Variants in MTERF4 observed in about 807,000 individuals in gnomAD.
MTERF4 encodes the protein mitochondrial transcription termination factor 4.
In MTERF4, 17 loss-of-function variants were observed where a neutral mutation model predicts 22.5. That is an observed-to-expected ratio of 0.75 (90% CI 0.52 to 1.13). The LOEUF (loss-of-function observed/expected upper bound fraction) is 1.13, where lower values mean the gene tolerates loss of function less well. MTERF4 is among the 50% of genes most tolerant of loss of function. The probability of loss-of-function intolerance (pLI) is 0.00; values close to 1 mark genes in which losing one functional copy is unlikely to be tolerated. For synonymous variants in MTERF4, 165 were observed against 175.3 expected (o/e 0.94, Z 0.47); for missense variants, 420 against 466.8 (o/e 0.90, Z 0.92).
the MTERF4 span, among the ~76,000 whole-genome samples, chr2:241,054,763 T>G: frequency 6.6e-6 from 1 of 152,160 alleles, no homozygotes; most frequent in Non-Finnish European, 1.5e-5. Flanking sequence ...GTTAGTGAGT[T>G]GAAAGATCAG....
the MTERF4 span, among the ~76,000 whole-genome samples, chr2:241,054,567 C>A: frequency 6.6e-6 from 1 of 151,964 alleles, no homozygotes; most frequent in Non-Finnish European, 1.5e-5. Flanking sequence ...GACCCCACCT[C>A]ATACAAAAAA....
the MTERF4 span, among the ~76,000 whole-genome samples, chr2:241,050,853 A>C: frequency 3.9e-5 from 6 of 152,070 alleles, no homozygotes; most frequent in South Asian, 2.1e-4. Flanking sequence ...CAGAGCCCAC[A>C]TCTCCTCACT....
rs2063051496 is a variant in MTERF4, at chr2:241,076,940, A to G, written n.480-1258T>C. On this transcript the variant is annotated intron_variant and non_coding_transcript_variant, in intron 4 of 4. Coordinates refer to the MTERF4 transcript ENST00000464344. ...TAAAAATACAAAAAATTAGCTGGGC[A>G]TGGTGGCGGGCGCCTGTGGTCCCAG... Among the ~76,000 whole-genome samples the G allele has an allele frequency of 2.0e-5, 3 of 152,140 alleles. No homozygotes were observed. The South Asian group carries it at 6.2e-4, about 32-fold the overall frequency.
Position 241,073,568 on chromosome 2 carries a change from C to G in MTERF4, n.2594G>C. 1.6e-6 allele frequency: 1 copy of G among 624,218 alleles called. No homozygotes were observed. Among genetic ancestry groups the G allele is most frequent in the East Asian group, 2.7e-5 (1 of 36,422 alleles). The allele number at this position is 624,218 out of a possible 1,614,324, so 38.7% of individuals were successfully genotyped here. A position where few individuals can be genotyped will look rare whatever the true frequency, so the allele number is the denominator to read the frequency against. ...AGCAGTGGGACCCCACAGACGGGAACAGGCCAGGGGGCAGGACCCACCCAA... is the reference window on the plus strand; with the variant it reads ...AGCAGTGGGACCCCACAGACGGGAAGAGGCCAGGGGGCAGGACCCACCCAA... On this transcript the variant is annotated non_coding_transcript_exon_variant, in exon 5 of 5. Coordinates refer to the MTERF4 transcript ENST00000464344. The surrounding 1 kb of genome is among the most constrained non-coding windows in gnomAD (Gnocchi z 6.6).
chr2:241,094,049 G>A (rs2064224603), downstream of MTERF4: 2 of 326,568 alleles, frequency 6.1e-6, no homozygotes, highest in African/African-American at 2.2e-5. This position sits in a 1 kb window ranked among gnomAD's most constrained non-coding sequence, Gnocchi z 4.3. Context: ...TAGGGAGGGT[G>A]GCAGTGACCG....
chr2:241,070,005 C>T (rs377463652), downstream of MTERF4: 3 of 1,612,872 alleles, frequency 1.9e-6, no homozygotes, highest in African/African-American at 4.0e-5. Context: ...CTCCAGGCAG[C>T]TTGCTGGAGG....
chr2:241,084,450 G>A (rs1028525331), downstream of MTERF4, among the ~76,000 whole-genome samples: 6 of 152,064 alleles, frequency 3.9e-5, no homozygotes, highest in African/African-American at 1.2e-4. Flanking sequence ...GACTGTGCCC[G>A]GCCAGCAGTG....
downstream of MTERF4, chr2:241,070,191 C>T (rs780712708): frequency 1.9e-6 from 3 of 1,605,572 alleles, no homozygotes; most frequent in Admixed American, 5.0e-5. Flanking sequence ...CCCACCTCTA[C>T]ATCATCACCT....
downstream of MTERF4, chr2:241,087,629 A>G (rs895813210): frequency 2.8e-6 from 4 of 1,439,266 alleles, no homozygotes; most frequent in African/African-American, 1.4e-5. Flanking sequence ...ACGTTCTGCT[A>G]CGAAACTGTA....
chr2:241,098,018 A>C (rs979460028), intron 2 of MTERF4, among the ~76,000 whole-genome samples: 1 of 152,218 alleles, frequency 6.6e-6, no homozygotes. Flanking sequence ...CCTTGAGTGA[A>C]AGAGGCCCTA....
downstream of MTERF4, chr2:241,088,083 A>G: frequency 2.1e-6 from 1 of 474,364 alleles, no homozygotes; most frequent in Non-Finnish European, 3.7e-6. Context: ...TCCCTAGGGT[A>G]GCTTTTGCTT....
rs111735124 is a variant in MTERF4 at position 241,096,342 on chromosome 2, G to A, written c.802C>T (p.Leu268=). The change falls in exon 4 of 4, where the codon CTG becomes TTG. Residue 268 remains leucine, a synonymous_variant. Transcript: ENST00000391980. This position sits in a 1 kb window ranked among gnomAD's most constrained non-coding sequence, Gnocchi z 5.1. ...LTKIKQRHIY[L]ERLGRYQTPD... is the part of the protein sequence containing the mutation. ...GTTTGGTACCGTCCCAGGCGCTCCA[G>A]GTAAATGTGTCTCTGCTTAATCTTG... 18 of 1,614,140 alleles carry A rather than the reference G, an allele frequency of 1.1e-5. No individual in the cohort carries two copies. The African/African-American group carries it at 1.2e-4, about 11-fold the overall frequency.
At chr2:241,089,503 C>G (rs544942307), downstream of MTERF4, 16 of 1,423,444 alleles carry the variant, frequency 1.1e-5, no homozygotes, top group Admixed American at 5.0e-5. Context: ...GGCCGGAGCT[C>G]CGCACATGGC....
the MTERF4 span, among the ~76,000 whole-genome samples, chr2:241,065,981 T>TG: frequency 6.6e-6 from 1 of 152,018 alleles, no homozygotes; most frequent in East Asian, 1.9e-4. Context: ...TGGGGTGCTC[T>TG]GAAGGCCTGG....
the MTERF4 span, among the ~76,000 whole-genome samples, chr2:241,045,900 C>T: frequency 6.6e-6 from 1 of 152,082 alleles, no homozygotes; most frequent in Non-Finnish European, 1.5e-5. Flanking sequence ...GTTTGCAAAA[C>T]TCATACCCAA....
downstream of MTERF4, chr2:241,087,710 C>T: frequency 1.0e-5 from 14 of 1,359,368 alleles, no homozygotes; most frequent in Non-Finnish European, 1.3e-5. Context: ...GGGGGGGTCA[C>T]TCTGGTTATG....
chr2:241,067,358 G>A (rs566538146), downstream of MTERF4, among the ~76,000 whole-genome samples: 17 of 152,332 alleles, frequency 1.1e-4, no homozygotes, highest in African/African-American at 3.8e-4. Flanking sequence ...CTAAGACAGC[G>A]TTGCCCAGAC....
At chr2:241,092,206 C>T (rs1308254455), downstream of MTERF4, 5 of 152,176 alleles carry the variant, frequency 3.3e-5, no homozygotes, top group Non-Finnish European at 7.3e-5. This position sits in a 1 kb window ranked among gnomAD's most constrained non-coding sequence, Gnocchi z 4.6. Flanking sequence ...TTATGACGCT[C>T]GTGCAGGTCG....
At position 241,075,417 on chromosome 2, in the gene MTERF4, G is replaced by A. The variant is rs1041167405; in HGVS notation, n.745C>T. On this transcript the variant is annotated non_coding_transcript_exon_variant, in exon 5 of 5. Coordinates refer to the MTERF4 transcript ENST00000464344. The surrounding 1 kb of genome is among the most constrained non-coding windows in gnomAD (Gnocchi z 4.8). The stretch of plus-strand genomic sequence containing the variant: ...GTTTGCAGATCCTACAGGCAGAACG[G>A]GTGGGATGCACACCCCTGGGATCTG... 2 of 152,176 alleles carry A rather than the reference G, an allele frequency of 1.3e-5. No individual in the cohort carries two copies. Among genetic ancestry groups the A allele is most frequent in the Admixed American group, 6.5e-5 (1 of 15,280 alleles). 9.4% of individuals were successfully genotyped at this position (152,176 alleles called of 1,614,324 possible).
Sources: gnomAD v4.1 joint callset for allele counts (sites outside exome capture counted in the v4.1 genomes callset) on GRCh38, gnomAD v4.1.1 for gene constraint, Gnocchi (gnomAD v3.1) non-coding constraint, MANE v1.5 for transcripts, NCBI Gene and HGNC (gene_info 2026-07-23, HGNC 2026-07-21) for gene names.